The following ROBO1 variants were observed in gnomAD, a reference collection of about 807,000 sequenced individuals.
The protein encoded by ROBO1 is roundabout homolog 1.
A neutral mutation model predicts 195.9 loss-of-function variants in ROBO1; 149 were observed. The observed-to-expected ratio is 0.76, with a 90% CI of 0.67 to 0.87. The LOEUF (loss-of-function observed/expected upper bound fraction) is 0.87, where lower values mean the gene tolerates loss of function less well. ROBO1 is among the 40% of genes least tolerant of loss of function. The pLI is 0.00. For synonymous variants in ROBO1, 816 were observed against 733.2 expected (o/e 1.11, Z -1.82); for missense variants, 1,933 against 2,068.3 (o/e 0.93, Z 1.27).
intron 2 of ROBO1, among the ~76,000 whole-genome samples, chr3:79,372,071 G>A (rs372119834): frequency 6.6e-5 from 10 of 152,132 alleles, no homozygotes; most frequent in African/African-American, 1.7e-4. Flanking sequence ...CTGACAGGAG[G>A]CAGAGCTCAG....
At chr3:78,891,423 A>C (rs777514904) in intron 4 of ROBO1, among the ~76,000 whole-genome samples, 47 of 152,144 alleles carry the variant, frequency 3.1e-4, no homozygotes, top group East Asian at 1.9e-4. Context: ...TCTCATATCC[A>C]CTCAACTGCC....
intron 2 of ROBO1, among the ~76,000 whole-genome samples, chr3:79,283,801 C>T (rs1227655246): frequency 6.6e-6 from 1 of 151,390 alleles, no homozygotes; most frequent in African/African-American, 2.4e-5. Flanking sequence ...GGGTTCACGC[C>T]ATTCTCCTGC....
At chr3:78,981,816 C>T (rs903403021) in intron 3 of ROBO1, among the ~76,000 whole-genome samples, 5 of 151,952 alleles carry the variant, frequency 3.3e-5, no homozygotes. Context: ...CACACACACA[C>T]ACACACACAA....
At chr3:78,845,567 T>C (rs1346265900) in intron 4 of ROBO1, among the ~76,000 whole-genome samples, 1 of 152,046 alleles carries the variant, frequency 6.6e-6, no homozygotes, top group Non-Finnish European at 1.5e-5. Flanking sequence ...TGGAAAGAAA[T>C]TGAATAAATT....
At chr3:78,703,232 A>T (rs140138407) in intron 8 of ROBO1, among the ~76,000 whole-genome samples, 15 of 152,300 alleles carry the variant, frequency 9.8e-5, no homozygotes, top group African/African-American at 3.6e-4. Flanking sequence ...CAAGAATCAT[A>T]GGCCAAAAAG....
intron 29 of ROBO1, among the ~76,000 whole-genome samples, chr3:78,604,027 T>C (rs1703326086): frequency 6.6e-6 from 1 of 151,968 alleles, no homozygotes; most frequent in Admixed American, 6.6e-5. Flanking sequence ...TTCTGAAGAA[T>C]AATCTCACCT....
At chr3:79,088,482 G>C (rs1257881809) in intron 3 of ROBO1, among the ~76,000 whole-genome samples, 1 of 152,020 alleles carries the variant, frequency 6.6e-6, no homozygotes, top group Non-Finnish European at 1.5e-5. Flanking sequence ...AAATATGCAA[G>C]TTTAAATTGT....
intron 1 of ROBO1, among the ~76,000 whole-genome samples, chr3:79,616,987 G>T (rs7434054): frequency 1.3e-5 from 2 of 152,156 alleles, no homozygotes; most frequent in Non-Finnish European, 1.5e-5. Flanking sequence ...TGCAGTTCAA[G>T]CATTTTCCAT....
At chr3:79,337,717 A>G (rs1176594530) in intron 2 of ROBO1, among the ~76,000 whole-genome samples, 1 of 152,228 alleles carries the variant, frequency 6.6e-6, no homozygotes, top group Non-Finnish European at 1.5e-5. Context: ...ATTTATTTAA[A>G]CAAATTAAAT....
intron 2 of ROBO1, among the ~76,000 whole-genome samples, chr3:79,580,807 T>A (rs1166310607): frequency 6.6e-6 from 1 of 152,178 alleles, no homozygotes; most frequent in African/African-American, 2.4e-5. Flanking sequence ...AGAAGGCCAG[T>A]TACAATACGT....
At chr3:79,361,606 T>C (rs2109305393) in intron 2 of ROBO1, among the ~76,000 whole-genome samples, 2 of 152,176 alleles carry the variant, frequency 1.3e-5, no homozygotes, top group East Asian at 3.9e-4. Flanking sequence ...AAATTTTAAA[T>C]TCAATGTCGA....
At chr3:79,578,673 C>T (rs548101111) in intron 2 of ROBO1, among the ~76,000 whole-genome samples, 13 of 152,266 alleles carry the variant, frequency 8.5e-5, no homozygotes, top group Non-Finnish European at 1.8e-4. Context: ...AAAATGTATA[C>T]AGCTGCCTAA....
At chr3:79,207,695 C>A (rs1415073185) in intron 2 of ROBO1, among the ~76,000 whole-genome samples, 2 of 151,220 alleles carry the variant, frequency 1.3e-5, no homozygotes, top group Non-Finnish European at 2.9e-5. Flanking sequence ...TTCTAACAAC[C>A]AGGAAATCCC....
chr3:79,704,199 C>G (rs1316216964), intron 1 of ROBO1, among the ~76,000 whole-genome samples: 1 of 151,918 alleles, frequency 6.6e-6, no homozygotes, highest in East Asian at 1.9e-4. Context: ...GCTACAATAT[C>G]ACTCAATGTC....
At chr3:78,855,724 A>T (rs1399075030) in intron 4 of ROBO1, among the ~76,000 whole-genome samples, 1 of 152,172 alleles carries the variant, frequency 6.6e-6, no homozygotes, top group East Asian at 1.9e-4. Flanking sequence ...ACTAGGTCAC[A>T]GACAAGAATA....
intron 3 of ROBO1, among the ~76,000 whole-genome samples, chr3:78,951,150 G>T (rs933317510): frequency 1.3e-5 from 2 of 151,728 alleles, no homozygotes; most frequent in African/African-American, 4.8e-5. Context: ...GCCAAATATG[G>T]AAGAGCATAT....
At chr3:79,749,498 G>A (rs555428105) in intron 1 of ROBO1, among the ~76,000 whole-genome samples, 79 of 152,314 alleles carry the variant, frequency 5.2e-4, no homozygotes, top group Admixed American at 1.5e-3. Context: ...TGCCTCCAGG[G>A]CATGTCAGAG....
intron 4 of ROBO1, among the ~76,000 whole-genome samples, chr3:78,837,682 C>T (rs931246342): frequency 1.3e-5 from 2 of 151,792 alleles, no homozygotes; most frequent in Non-Finnish European, 2.9e-5. Context: ...AGCATTCAAA[C>T]TAAATAATGA....
intron 4 of ROBO1, among the ~76,000 whole-genome samples, chr3:78,828,415 T>C (rs888899596): frequency 6.6e-6 from 1 of 152,178 alleles, no homozygotes; most frequent in Non-Finnish European, 1.5e-5. Flanking sequence ...GTAGTCTTCA[T>C]TTGAAAATGT....
Sources: gnomAD v4.1 joint callset for allele counts (sites outside exome capture counted in the v4.1 genomes callset) on GRCh38, gnomAD v4.1.1 for gene constraint, MANE v1.5 for transcripts, NCBI Gene and HGNC (gene_info 2026-07-23, HGNC 2026-07-21) for gene names.